Variants in NAV1 observed in about 807,000 individuals in gnomAD.
NAV1 encodes pore membrane and/or filament interacting like protein 3.
Under a neutral mutation model 175.2 loss-of-function variants are expected in NAV1, and 18 were observed. That is an observed-to-expected ratio of 0.10 (90% CI 0.07 to 0.15). The LOEUF (loss-of-function observed/expected upper bound fraction) is 0.15. Among genes scored for constraint, NAV1 ranks in the 10% least tolerant of loss-of-function variants. The probability of loss-of-function intolerance (pLI) is 1.00; values close to 1 mark genes in which losing one functional copy is unlikely to be tolerated. For synonymous variants in NAV1, 897 were observed against 978.7 expected, an observed-to-expected ratio of 0.92 and a Z score of 1.56; for missense variants, 1,731 against 2,436.6, an observed-to-expected ratio of 0.71 and a Z score of 6.10.
Position 201,782,442 on chromosome 1 carries a change from G to A in NAV1, c.1930G>A (p.Gly644Arg). The change falls in exon 6 of 30, where the codon GGG becomes AGG. Residue 644 changes from glycine to arginine, a missense_variant. Gly to Arg is a moderately radical substitution (Grantham distance 125). Around this residue, in one of 13 missense-constraint regions of NAV1, gnomAD observed 634 missense variants for 766.8 expected, o/e 0.83. Coordinates refer to ENST00000367296, the Ensembl canonical transcript of NAV1. The surrounding 1 kb of genome is among the most constrained non-coding windows in gnomAD (Gnocchi z 5.4). ...AGGCATCCCTGTCAAGCCAGTAAAT[G>A]GGCGCAAGACTAGCTTAGATGTTTC... The A allele has an allele frequency of 3.7e-6, 6 of 1,614,118 alleles. No homozygotes were observed. Among genetic ancestry groups the A allele is most frequent in the Non-Finnish European group, 5.1e-6 (6 of 1,179,960 alleles).
At position 201,750,054 on chromosome 1, in the gene NAV1, A is replaced by G. The variant is rs1014367676; in HGVS notation, c.1227-30367A>G. Among the ~76,000 whole-genome samples the G allele has an allele frequency of 3.3e-5, 5 of 152,250 alleles. No homozygotes were observed. Among genetic ancestry groups the G allele is most frequent in the Non-Finnish European group, 7.3e-5 (5 of 68,044 alleles). On this transcript the variant is annotated intron_variant, in intron 3 of 29. Coordinates refer to ENST00000367296, the Ensembl canonical transcript of NAV1. This position sits in a 1 kb window ranked among gnomAD's most constrained non-coding sequence, Gnocchi z 4.1. ...TTTGCTCCACCTTAAAGAAACTGAC[A>G]TTAGACTTGATAATGCACTGTAGGT...
intron 1 of NAV1, among the ~76,000 whole-genome samples, chr1:201,707,700 T>A (rs1267600659): frequency 6.6e-6 from 1 of 152,250 alleles, no homozygotes; most frequent in Non-Finnish European, 1.5e-5. Flanking sequence ...ATCCTCACAG[T>A]GCACCCTGGG....
chr1:201,810,727 G>A lies in NAV1; in HGVS notation c.4766G>A (p.Ser1589Asn), dbSNP rs1333544886. 1 of 1,614,080 alleles carries A rather than the reference G, an allele frequency of 6.2e-7. No homozygotes were observed. Among genetic ancestry groups the A allele is most frequent in the South Asian group, 1.1e-5 (1 of 91,070 alleles). ...CGTGAGGTCACAGAGGGCATCGTCAGCACCTTCAACATGCACCAGCAGTCT... is the reference window on the plus strand; with the variant it reads ...CGTGAGGTCACAGAGGGCATCGTCAACACCTTCAACATGCACCAGCAGTCT... The change falls in exon 24 of 30, where the codon AGC (serine) becomes AAC (asparagine). Residue 1589 changes from serine (S) to asparagine (N), a missense_variant. Around this residue, in one of 13 missense-constraint regions of NAV1, gnomAD observed 115 missense variants for 269.4 expected, o/e 0.43. Coordinates refer to ENST00000367296, the Ensembl canonical transcript of NAV1. The surrounding 1 kb of genome is among the most constrained non-coding windows in gnomAD (Gnocchi z 6.0).
intron 13 of NAV1, chr1:201,793,361 C>A: frequency 6.5e-6 from 1 of 155,022 alleles, no homozygotes; most frequent in Non-Finnish European, 1.4e-5. Context: ...TAGTTTCTGC[C>A]AGGAGATTAT....
intron 2 of NAV1, among the ~76,000 whole-genome samples, chr1:201,602,326 GT>G (rs1465081762): frequency 1.3e-5 from 2 of 152,106 alleles, no homozygotes; most frequent in African/African-American, 2.4e-5. Context: ...TCTTCTCTAA[GT>G]TTTTTTGTTT....
At chr1:201,655,034 C>A (rs1351355832) in intron 1 of NAV1, among the ~76,000 whole-genome samples, 11 of 152,172 alleles carry the variant, frequency 7.2e-5, no homozygotes, top group African/African-American at 2.7e-4. Flanking sequence ...ATGCTCCATT[C>A]GTCTTTTCTG....
At chr1:201,809,835 G>T (rs2102812614) in intron 22 of NAV1, 111 bp from the exon 27 acceptor site, 2 of 1,073,332 alleles carry the variant, frequency 1.9e-6, no homozygotes, top group South Asian at 1.6e-5. Context: ...AAAAGCATAT[G>T]CTCTGCACTT....
At chr1:201,646,102 G>A (rs572936572), upstream of NAV1, among the ~76,000 whole-genome samples, 1 of 152,302 alleles carries the variant, frequency 6.6e-6, no homozygotes, top group African/African-American at 2.4e-5. Context: ...GGTACTTCGT[G>A]TGTGCCCAGA....
At chr1:201,578,417 G>A (rs1320593252) in intron 1 of NAV1, among the ~76,000 whole-genome samples, 1 of 152,140 alleles carries the variant, frequency 6.6e-6, no homozygotes, top group Non-Finnish European at 1.5e-5. Flanking sequence ...TGGTTTCCAG[G>A]GGAACTGAGC....
Position 201,808,052 on chromosome 1 carries a change from G to A in NAV1, c.3748G>A (p.Ala1250Thr). The change falls in exon 18 of 30, where the codon GCC (alanine) becomes ACC (threonine). Residue 1250 changes from alanine (A) to threonine (T), a missense_variant. This residue lies in a region of NAV1 where 146 missense variants were observed against 176.8 expected (regional missense o/e 0.83). Coordinates refer to ENST00000367296, the Ensembl canonical transcript of NAV1. This position sits in a 1 kb window ranked among gnomAD's most constrained non-coding sequence, Gnocchi z 5.5. ...GGAGATTGCTACACCCGACTCTTCA[G>A]CCCCCTCATCCCCCAAACTACAGCA... 1 of 1,614,112 alleles carries A rather than the reference G, an allele frequency of 6.2e-7. No individual in the cohort carries two copies. Among genetic ancestry groups the A allele is most frequent in the Non-Finnish European group, 8.5e-7 (1 of 1,180,046 alleles).
At chr1:201,721,382 A>G (rs544681942) in intron 3 of NAV1, among the ~76,000 whole-genome samples, 41 of 152,276 alleles carry the variant, frequency 2.7e-4, no homozygotes, top group Non-Finnish European at 5.4e-4. Context: ...TATAATCCCC[A>G]GTAATTTAAT....
At chr1:201,712,699 A>T (rs1671959856) in intron 1 of NAV1, 118 bp from the exon 6 acceptor site, 2 of 710,502 alleles carry the variant, frequency 2.8e-6, no homozygotes, top group African/African-American at 1.8e-5. Flanking sequence ...GAGGAAGGTG[A>T]CTATCATGGC....
chr1:201,779,615 A>AAAAAAAAAAAAAAAAAAAG, intron 3 of NAV1, among the ~76,000 whole-genome samples: 1 of 150,764 alleles, frequency 6.6e-6, no homozygotes, highest in African/African-American at 2.5e-5. Flanking sequence ...AAAAAAAAAA[A>AAAAAAAAAAAAAAAAAAAG]AAAAAAGAAC....
At position 201,807,841 on chromosome 1, in the gene NAV1, A is replaced by T; in HGVS notation, c.3649-112A>T. 2 of 1,030,924 alleles carry T rather than the reference A, an allele frequency of 1.9e-6. No homozygotes were observed. Among genetic ancestry groups the T allele is most frequent in the Non-Finnish European group, 2.9e-6 (2 of 681,360 alleles). The allele number at this position is 1,030,924 out of a possible 1,614,324, so 63.9% of individuals were successfully genotyped here. A position where few individuals can be genotyped will look rare whatever the true frequency, so the allele number is the denominator to read the frequency against. On this transcript the variant is annotated intron_variant, in intron 17 of 29. Transcript: ENST00000367296. The surrounding 1 kb of genome is among the most constrained non-coding windows in gnomAD (Gnocchi z 5.4). ...AAGTGTTATAGAGGGTGGCTTAATT[A>T]AAGTAAATCCCCCGCCTCCAGCTCT...
In NAV1 at chr1:201,685,316, G is replaced by A. The variant is rs555427477; in HGVS notation, c.758-27501G>A. 5.3e-5 allele frequency among the ~76,000 whole-genome samples: 8 copies of A among 152,286 alleles called. No individual in the cohort carries two copies. In the East Asian group the frequency reaches 1.4e-3, roughly 26 times the overall value. ...CTGGGCCAAAGGCTACACTCCAAAG[G>A]CTGAGAAACACTGTAGCAAGCACTC... On this transcript the variant is annotated intron_variant, in intron 1 of 29. Coordinates refer to ENST00000367296, the Ensembl canonical transcript of NAV1.
chr1:201,731,989 A>G (rs1672878542), intron 3 of NAV1, among the ~76,000 whole-genome samples: 1 of 152,214 alleles, frequency 6.6e-6, no homozygotes, highest in Non-Finnish European at 1.5e-5. Flanking sequence ...TTAGCCAGGG[A>G]AAATACAAGG....
intron 1 of NAV1, among the ~76,000 whole-genome samples, chr1:201,691,475 G>T (rs1670940282): frequency 6.6e-6 from 1 of 152,228 alleles, no homozygotes; most frequent in Non-Finnish European, 1.5e-5. Flanking sequence ...CATAGAAAGT[G>T]CAGAGAATGC....
intron 3 of NAV1, among the ~76,000 whole-genome samples, chr1:201,722,193 C>T (rs1218353901): frequency 6.6e-6 from 1 of 152,174 alleles, no homozygotes; most frequent in Non-Finnish European, 1.5e-5. Flanking sequence ...ACCATCATCA[C>T]GTCCATCTCC....
At chr1:201,680,997 C>G (rs1165951913) in intron 1 of NAV1, among the ~76,000 whole-genome samples, 17 of 152,230 alleles carry the variant, frequency 1.1e-4, no homozygotes, top group African/African-American at 3.9e-4. Context: ...TGTCTTTCGT[C>G]CCCAGCCATT....
Sources: allele counts gnomAD v4.1 joint callset (sites outside exome capture counted in the v4.1 genomes callset), GRCh38; gene constraint gnomAD v4.1.1; regional missense constraint gnomAD v4.1.1; non-coding constraint Gnocchi (gnomAD v3.1); transcripts MANE v1.5; gene names NCBI Gene and HGNC (gene_info 2026-07-23, HGNC 2026-07-21).